SPAG16: variants seen among roughly 807,000 people sequenced by gnomAD.
The protein encoded by SPAG16 is sperm associated antigen 16.
SPAG16 carries 86 observed loss-of-function variants against 80.4 expected under a neutral mutation model. The observed-to-expected ratio is 1.07, with a 90% CI of 0.90 to 1.28. The LOEUF (loss-of-function observed/expected upper bound fraction) is 1.28. Among genes scored for constraint, SPAG16 ranks in the 50% most tolerant of loss-of-function variants. SPAG16 has a pLI of 0.00. For synonymous variants in SPAG16, 294 were observed against 265.9 expected, an observed-to-expected ratio of 1.11 and a Z score of -1.03; for missense variants, 870 against 765.3, an observed-to-expected ratio of 1.14 and a Z score of -1.61.
At chr2:213,881,300 T>C (rs1479556072) in intron 11 of SPAG16, among the ~76,000 whole-genome samples, 1 of 152,230 alleles carries the variant, frequency 6.6e-6, no homozygotes, top group African/African-American at 2.4e-5. Flanking sequence ...TACTGATTTT[T>C]ACATATTGAT....
intron 10 of SPAG16, among the ~76,000 whole-genome samples, chr2:213,742,576 A>C (rs1201549278): frequency 7.3e-6 from 1 of 136,462 alleles, no homozygotes; most frequent in African/African-American, 2.7e-5. Context: ...TTTTGAGACG[A>C]AGTTTCGGTC....
At chr2:213,896,890 T>C (rs747167401) in intron 11 of SPAG16, among the ~76,000 whole-genome samples, 2 of 151,924 alleles carry the variant, frequency 1.3e-5, no homozygotes, top group African/African-American at 2.4e-5. Context: ...AGGGAGTAGA[T>C]TGGTCATTAC....
intron 15 of SPAG16, among the ~76,000 whole-genome samples, chr2:214,395,622 A>G (rs1574501225): frequency 1.3e-5 from 2 of 152,132 alleles, no homozygotes; most frequent in Non-Finnish European, 1.5e-5. Flanking sequence ...ATAGTTCATC[A>G]CCCAGGTAAT....
At chr2:213,890,030 A>G (rs2076728391) in intron 11 of SPAG16, among the ~76,000 whole-genome samples, 1 of 152,076 alleles carries the variant, frequency 6.6e-6, no homozygotes, top group South Asian at 2.1e-4. Flanking sequence ...TTGAGATCAT[A>G]AAGTAATTTC....
intron 9 of SPAG16, among the ~76,000 whole-genome samples, chr2:213,436,346 G>A (rs1206411309): frequency 6.6e-6 from 1 of 152,138 alleles, no homozygotes; most frequent in East Asian, 1.9e-4. Flanking sequence ...TCCTCTGAAA[G>A]CAGTTAAATT....
At chr2:213,910,078 G>T (rs896048939) in intron 11 of SPAG16, among the ~76,000 whole-genome samples, 2 of 152,080 alleles carry the variant, frequency 1.3e-5, no homozygotes, top group Non-Finnish European at 2.9e-5. Flanking sequence ...AGATATTTGA[G>T]CTTAATTTTA....
chr2:213,942,344 G>A (rs1055696589), intron 12 of SPAG16, among the ~76,000 whole-genome samples: 3 of 152,156 alleles, frequency 2.0e-5, no homozygotes, highest in African/African-American at 7.2e-5. Context: ...TGTGAGATGA[G>A]TATTTCACAC....
At chr2:213,939,177 T>G (rs2079103562) in intron 12 of SPAG16, among the ~76,000 whole-genome samples, 1 of 152,192 alleles carries the variant, frequency 6.6e-6, no homozygotes, top group Non-Finnish European at 1.5e-5. Context: ...TGACAACTAA[T>G]TACTAAAAAT....
intron 5 of SPAG16, among the ~76,000 whole-genome samples, chr2:213,334,889 T>G (rs1559421716): frequency 6.6e-6 from 1 of 152,150 alleles, no homozygotes; most frequent in African/African-American, 2.4e-5. Flanking sequence ...TAGTATTTGT[T>G]AGCACAATAG....
At chr2:214,016,376 C>T (rs2047592155) in intron 13 of SPAG16, among the ~76,000 whole-genome samples, 1 of 152,164 alleles carries the variant, frequency 6.6e-6, no homozygotes, top group African/African-American at 2.4e-5. Flanking sequence ...GACTTATTCA[C>T]TATCACGAGA....
At chr2:214,016,535 A>G (rs1406467009) in intron 13 of SPAG16, among the ~76,000 whole-genome samples, 2 of 152,212 alleles carry the variant, frequency 1.3e-5, no homozygotes, top group Non-Finnish European at 2.9e-5. Context: ...TAGGGACTAC[A>G]CTTTCAAACA....
intron 15 of SPAG16, among the ~76,000 whole-genome samples, chr2:214,248,044 C>A (rs966800895): frequency 6.6e-6 from 1 of 151,476 alleles, no homozygotes. Flanking sequence ...AAAAAATCAA[C>A]AAGAAATCAT....
chr2:214,082,195 G>T (rs1181631474), intron 13 of SPAG16, among the ~76,000 whole-genome samples: 2 of 151,988 alleles, frequency 1.3e-5, no homozygotes, highest in Admixed American at 1.3e-4. Context: ...GGCTCCTACT[G>T]CTCTAATTTA....
At chr2:213,724,991 T>C (rs2066699469) in intron 10 of SPAG16, among the ~76,000 whole-genome samples, 1 of 151,806 alleles carries the variant, frequency 6.6e-6, no homozygotes, top group South Asian at 2.1e-4. Flanking sequence ...GCATGAGAGA[T>C]ATAATGTGAC....
chr2:213,397,737 C>T (rs892149537), intron 9 of SPAG16, among the ~76,000 whole-genome samples: 2 of 152,074 alleles, frequency 1.3e-5, no homozygotes, highest in Non-Finnish European at 2.9e-5. Context: ...TTGCTCCCTA[C>T]CCCCCGAATC....
chr2:213,302,649 G>C (rs61644666), intron 3 of SPAG16: 1 of 110,794 alleles, frequency 9.0e-6, no homozygotes, highest in Non-Finnish European at 2.0e-5. Flanking sequence ...GTGTGTGTGT[G>C]TGTGTGTGTG....
intron 10 of SPAG16, among the ~76,000 whole-genome samples, chr2:213,686,774 C>G (rs1329388241): frequency 6.7e-6 from 1 of 149,976 alleles, no homozygotes; most frequent in South Asian, 2.1e-4. Context: ...GCAACCTCCA[C>G]CTCCTGGGCT....
chr2:214,262,558 GT>G (rs1177940341), intron 15 of SPAG16, among the ~76,000 whole-genome samples: 3 of 151,610 alleles, frequency 2.0e-5, no homozygotes, highest in African/African-American at 7.3e-5. Context: ...ATCATTCAAA[GT>G]TTTCTCAGGA....
At chr2:213,729,992 C>A (rs1283548199) in intron 10 of SPAG16, among the ~76,000 whole-genome samples, 1 of 152,214 alleles carries the variant, frequency 6.6e-6, no homozygotes, top group Non-Finnish European at 1.5e-5. Flanking sequence ...GACACTCTTG[C>A]TCCAAATTAG....
Sources: allele counts gnomAD v4.1 joint callset (sites outside exome capture counted in the v4.1 genomes callset), GRCh38; gene constraint gnomAD v4.1.1; transcripts MANE v1.5; gene names NCBI Gene and HGNC (gene_info 2026-07-23, HGNC 2026-07-21).